DUSP16: variants seen among roughly 807,000 people sequenced by gnomAD.
DUSP16 encodes dual specificity phosphatase 16, also known as dual specificity protein phosphatase 16.
DUSP16 carries 21 observed loss-of-function variants against 58.3 expected under a neutral mutation model. The observed-to-expected ratio is 0.36, with a 90% CI of 0.26 to 0.52. The LOEUF is 0.52. Among genes scored for constraint, DUSP16 ranks in the 20% least tolerant of loss-of-function variants. The probability of loss-of-function intolerance (pLI) is 0.94; values close to 1 mark genes in which losing one functional copy is unlikely to be tolerated. For missense variants in DUSP16, 726 were observed against 819.0 expected (o/e 0.89, Z 1.39); for synonymous variants, 320 against 323.8 (o/e 0.99, Z 0.12).
At chr12:12,543,071 C>G (rs1944590017) in intron 1 of DUSP16, among the ~76,000 whole-genome samples, 1 of 152,116 alleles carries the variant, frequency 6.6e-6, no homozygotes, top group Non-Finnish European at 1.5e-5. Flanking sequence ...TATAAGAAGT[C>G]AATTTGTTAT....
At position 12,536,325 on chromosome 12, in the gene DUSP16, T is replaced by C. The variant is rs1185717680; in HGVS notation, c.-365-14862A>G. Among the ~76,000 whole-genome samples the C allele has an allele frequency of 2.6e-5, 4 of 152,304 alleles. No homozygotes were observed. The South Asian group carries it at 8.3e-4, about 32-fold the overall frequency. Reference sequence around the variant, plus strand: ...ATTGCACCAGAATAATATCTGAAAATATCTCAATGTCTTATTCTGTCCCAG... The same window carrying C: ...ATTGCACCAGAATAATATCTGAAAACATCTCAATGTCTTATTCTGTCCCAG... On this transcript the variant is annotated intron_variant, in intron 1 of 6. Transcript: ENST00000298573.
intron 1 of DUSP16, among the ~76,000 whole-genome samples, chr12:12,545,111 TAA>T (rs1412645058): frequency 3.3e-5 from 5 of 152,222 alleles, no homozygotes; most frequent in African/African-American, 1.2e-4. Context: ...TAAACTTCTG[TAA>T]AAGTTTCAGG....
intron 4 of DUSP16, among the ~76,000 whole-genome samples, chr12:12,493,754 T>C (rs1239276487): frequency 6.6e-6 from 1 of 152,202 alleles, no homozygotes; most frequent in Non-Finnish European, 1.5e-5. Flanking sequence ...TGAGTGTTTG[T>C]TCAAATGCCT....
At chr12:12,510,464 C>A (rs1944061285) in intron 3 of DUSP16, among the ~76,000 whole-genome samples, 1 of 152,192 alleles carries the variant, frequency 6.6e-6, no homozygotes, top group Admixed American at 6.5e-5. Flanking sequence ...CCCCTAAGAC[C>A]ACTTCTGTAT....
intron 1 of DUSP16, among the ~76,000 whole-genome samples, chr12:12,521,709 C>T (rs1944240174): frequency 6.6e-6 from 1 of 152,156 alleles, no homozygotes; most frequent in African/African-American, 2.4e-5. Flanking sequence ...CAAGACATAT[C>T]ATGAATTATA....
intron 4 of DUSP16, among the ~76,000 whole-genome samples, chr12:12,492,458 TC>T (rs1297148188): frequency 6.6e-6 from 1 of 152,144 alleles, no homozygotes; most frequent in Non-Finnish European, 1.5e-5. Flanking sequence ...GGCCAATCCC[TC>T]CGCTTGCTAA....
At position 12,476,850 on chromosome 12, in the gene DUSP16, T is replaced by A. The variant is rs774325525; in HGVS notation, c.1981A>T (p.Ile661Phe). Residue 661 changes from isoleucine to phenylalanine, a missense_variant, in exon 7 of 7, where the codon ATC becomes TTC. Coordinates refer to ENST00000298573, the MANE Select transcript of DUSP16 (RefSeq NM_030640.3). ...CTTTCTTCTCAGGAGACCTCAATGA[T>A]TTCCATGCTGCCCGAAAAGCTAGAC... ...SQSSFSGSMEIIEVS is the reference protein window; with the variant it reads ...SQSSFSGSMEFIEVS 6.2e-7 allele frequency: 1 copy of A among 1,607,294 alleles called. No individual in the cohort carries two copies. Among genetic ancestry groups the A allele is most frequent in the Non-Finnish European group, 8.5e-7 (1 of 1,178,070 alleles).
At chr12:12,560,804 C>A (rs558468532) in intron 1 of DUSP16, 15 of 152,192 alleles carry the variant, frequency 9.9e-5, no homozygotes, top group Non-Finnish European at 1.9e-4. Context: ...GGAGGTGAAA[C>A]AGCATAAATC....
Position 12,476,672 on chromosome 12 carries a change from A to G in DUSP16, c.*161T>C. On this transcript the variant is annotated 3_prime_UTR_variant, in exon 7 of 7. Coordinates refer to ENST00000298573, the MANE Select transcript of DUSP16 (RefSeq NM_030640.3). ...AGCTGATCTCTCAAATGCAGATGTT[A>G]AGAGAGTAACAACTGGGTTGATCCA... 4.9e-6 allele frequency: 3 copies of G among 610,280 alleles called. No homozygotes were observed. The highest frequency in any genetic ancestry group is 2.9e-5 in the East Asian group (1 of 34,666). 37.8% of individuals were successfully genotyped at this position (610,280 alleles called of 1,614,324 possible).
rs147682643 is a variant in DUSP16 at position 12,539,538 on chromosome 12, C to T, written c.-365-18075G>A. Among the ~76,000 whole-genome samples the T allele has an allele frequency of 1.7e-3, 264 of 152,156 alleles. 2 individuals are homozygous for T. The highest frequency in any genetic ancestry group is 6.0e-3 in the African/African-American group (250 of 41,498). ...CAGTGTTCACCGGCTTATGAATGCA[C>T]GTTAAATAAATATCTCCACCCAGGA... On this transcript the variant is annotated intron_variant, in intron 1 of 6. Coordinates refer to ENST00000298573, the MANE Select transcript of DUSP16 (RefSeq NM_030640.3).
chr12:12,511,125 T>G (rs181123961), intron 3 of DUSP16, among the ~76,000 whole-genome samples: 5 of 152,170 alleles, frequency 3.3e-5, no homozygotes, highest in Non-Finnish European at 7.3e-5. Context: ...AAATGTAACT[T>G]TGGCTGCAGT....
At chr12:12,517,266 T>G (rs1192508071) in intron 3 of DUSP16, among the ~76,000 whole-genome samples, 5 of 152,322 alleles carry the variant, frequency 3.3e-5, no homozygotes, top group African/African-American at 1.2e-4. Context: ...AAGAAACCAC[T>G]TTGTCTTTCT....
intron 3 of DUSP16, among the ~76,000 whole-genome samples, chr12:12,502,862 T>A (rs1592178962): frequency 6.6e-6 from 1 of 152,264 alleles, no homozygotes; most frequent in Middle Eastern, 3.4e-3. Flanking sequence ...TAAAACTCAT[T>A]GTTATTTCAC....
chr12:12,500,783 G>A, intron 3 of DUSP16, 101 bp from the exon 4 acceptor site: 1 of 1,115,020 alleles, frequency 9.0e-7, no homozygotes, highest in Non-Finnish European at 1.2e-6. Context: ...ACGAATCCAA[G>A]TGGATATCAC....
intron 1 of DUSP16, among the ~76,000 whole-genome samples, chr12:12,543,696 T>C (rs530899670): frequency 6.6e-6 from 1 of 152,256 alleles, no homozygotes; most frequent in African/African-American, 2.4e-5. Flanking sequence ...GTCTATCTGA[T>C]ATAGAATGAC....
At chr12:12,533,882 T>C (rs1944427847) in intron 1 of DUSP16, among the ~76,000 whole-genome samples, 1 of 152,230 alleles carries the variant, frequency 6.6e-6, no homozygotes, top group Non-Finnish European at 1.5e-5. Context: ...ATCTAAAGAT[T>C]ATTTCACTTA....
chr12:12,541,182 C>G (rs1472697292), intron 1 of DUSP16, among the ~76,000 whole-genome samples: 1 of 152,008 alleles, frequency 6.6e-6, no homozygotes, highest in East Asian at 1.9e-4. Context: ...TGGTCTCAAA[C>G]TCCTGGACTC....
rs552783228 is a variant in DUSP16 at position 12,494,664 on chromosome 12, G to A, written c.531+5855C>T. 5.3e-5 allele frequency among the ~76,000 whole-genome samples: 8 copies of A among 152,262 alleles called. No individual in the cohort carries two copies. The South Asian group carries it at 1.7e-3, about 32-fold the overall frequency. Reference sequence around the variant, plus strand: ...GTATAGAAAATGAATGAAGACCAAGGACAGGACAGAAATATCTGGGGTGCA... The same window carrying A: ...GTATAGAAAATGAATGAAGACCAAGAACAGGACAGAAATATCTGGGGTGCA... On this transcript the variant is annotated intron_variant, in intron 4 of 6. Transcript: ENST00000298573.
intron 3 of DUSP16, among the ~76,000 whole-genome samples, chr12:12,504,998 T>G (rs1943971354): frequency 6.6e-6 from 1 of 152,240 alleles, no homozygotes; most frequent in Non-Finnish European, 1.5e-5. Flanking sequence ...ATTATTTTTA[T>G]AAATAATGTA....
Sources: gnomAD v4.1 joint callset for allele counts (sites outside exome capture counted in the v4.1 genomes callset) on GRCh38, gnomAD v4.1.1 for gene constraint, MANE v1.5 for transcripts, NCBI Gene and HGNC (gene_info 2026-07-23, HGNC 2026-07-21) for gene names.